Variants in AP3B1 observed in about 807,000 individuals in gnomAD.
The protein encoded by AP3B1 is AP-3 complex subunit beta-1.
Under a neutral mutation model 132.5 loss-of-function variants are expected in AP3B1, and 61 were observed. The observed-to-expected ratio is 0.46, with a 90% CI of 0.37 to 0.57. AP3B1 has a LOEUF of 0.57. AP3B1 is among the 20% of genes least tolerant of loss of function. The probability of loss-of-function intolerance (pLI) is 0.00; values close to 1 mark genes in which losing one functional copy is unlikely to be tolerated. For synonymous variants in AP3B1, 388 were observed against 438.3 expected (o/e 0.89, Z 1.43); for missense variants, 1,120 against 1,289.4 (o/e 0.87, Z 2.01).
At chr5:78,072,986 C>T (rs753925987) in intron 22 of AP3B1, among the ~76,000 whole-genome samples, 11 of 152,040 alleles carry the variant, frequency 7.2e-5, no homozygotes, top group Non-Finnish European at 1.5e-4. Flanking sequence ...TCCCAAAGTG[C>T]TGGGATTACA....
At chr5:78,194,689 G>C (rs1455789549) in intron 7 of AP3B1, among the ~76,000 whole-genome samples, 2 of 152,136 alleles carry the variant, frequency 1.3e-5, no homozygotes, top group East Asian at 3.8e-4. Flanking sequence ...AGGGAGAAAT[G>C]ACAGATCTTC....
intron 7 of AP3B1, among the ~76,000 whole-genome samples, chr5:78,207,801 G>A (rs1001197967): frequency 3.3e-5 from 5 of 152,234 alleles, no homozygotes; most frequent in Admixed American, 2.6e-4. Context: ...AGAAAATTAA[G>A]TAATGTCTAC....
chr5:78,280,502 T>G (rs2112583133), intron 1 of AP3B1, among the ~76,000 whole-genome samples: 1 of 152,336 alleles, frequency 6.6e-6, no homozygotes, highest in South Asian at 2.1e-4. Flanking sequence ...GGTGCCACAG[T>G]AACAGATGGG....
intron 2 of AP3B1, among the ~76,000 whole-genome samples, chr5:78,263,103 A>G (rs1748167107): frequency 6.6e-6 from 1 of 152,180 alleles, no homozygotes; most frequent in South Asian, 2.1e-4. Context: ...TTGAATATAC[A>G]GATCATTTTG....
chr5:78,242,756 C>T (rs1747195561), intron 2 of AP3B1, among the ~76,000 whole-genome samples: 1 of 152,126 alleles, frequency 6.6e-6, no homozygotes, highest in African/African-American at 2.4e-5. Context: ...TTCCTGTGCA[C>T]TATTTTACAT....
chr5:78,136,194 G>T (rs1421726986), intron 15 of AP3B1, among the ~76,000 whole-genome samples: 1 of 152,040 alleles, frequency 6.6e-6, no homozygotes, highest in African/African-American at 2.4e-5. Flanking sequence ...GCTCGCTAGG[G>T]TTACAAAAGA....
chr5:78,153,615 C>T (rs1005395235), intron 14 of AP3B1, among the ~76,000 whole-genome samples: 6 of 152,022 alleles, frequency 3.9e-5, no homozygotes, highest in African/African-American at 1.2e-4. Context: ...GGTTGTTTCA[C>T]ATTCTTCTCT....
chr5:78,015,706 GC>G, intron 25 of AP3B1, 158 bp from the exon 26 acceptor site: 3 of 706,042 alleles, frequency 4.2e-6, no homozygotes, highest in Non-Finnish European at 6.9e-6. Flanking sequence ...AAAACAAAAT[GC>G]AATTGTTTCG....
intron 11 of AP3B1, among the ~76,000 whole-genome samples, chr5:78,171,260 A>G (rs746983433): frequency 6.6e-6 from 1 of 152,052 alleles, no homozygotes; most frequent in Non-Finnish European, 1.5e-5. Context: ...GTTTTTTCCA[A>G]TTCTGTGAAG....
intron 7 of AP3B1, among the ~76,000 whole-genome samples, chr5:78,192,636 T>C (rs1264852817): frequency 3.3e-5 from 5 of 152,102 alleles, no homozygotes; most frequent in African/African-American, 9.7e-5. Flanking sequence ...AGCAAGACAC[T>C]ATCTCCAAAA....
At chr5:78,031,253 T>G (rs768067238) in intron 24 of AP3B1, among the ~76,000 whole-genome samples, 66 of 152,314 alleles carry the variant, frequency 4.3e-4, no homozygotes, top group Non-Finnish European at 7.2e-4. Context: ...ACTAAAGTTT[T>G]ATTTTTTATA....
chr5:78,089,051 C>T (rs1023071577), intron 22 of AP3B1: 12 of 174,992 alleles, frequency 6.9e-5, no homozygotes, highest in Admixed American at 1.7e-4. Context: ...AAAACGATTA[C>T]GGAAATGAAA....
chr5:78,229,049 C>T (rs192949978), intron 3 of AP3B1, among the ~76,000 whole-genome samples: 1 of 152,306 alleles, frequency 6.6e-6, no homozygotes, highest in East Asian at 1.9e-4. Flanking sequence ...CCTCCCACCT[C>T]AGCCTCTCCA....
chr5:78,211,539 A>G (rs193210589), intron 7 of AP3B1, among the ~76,000 whole-genome samples: 87 of 152,360 alleles, frequency 5.7e-4, no homozygotes, highest in African/African-American at 1.8e-3. Context: ...CATCTCAAAA[A>G]GTGTATCTAC....
At chr5:78,109,967 A>AC (rs1406107726) in intron 20 of AP3B1, among the ~76,000 whole-genome samples, 5 of 150,468 alleles carry the variant, frequency 3.3e-5, no homozygotes, top group African/African-American at 1.0e-4. Flanking sequence ...CCTTCAGCAA[A>AC]ACCCCCCCCT....
intron 1 of AP3B1, among the ~76,000 whole-genome samples, chr5:78,280,421 C>T (rs1160863372): frequency 6.6e-6 from 1 of 152,060 alleles, no homozygotes; most frequent in African/African-American, 2.4e-5. Flanking sequence ...TAGTGTATTC[C>T]GTCCAAACAA....
intron 21 of AP3B1, among the ~76,000 whole-genome samples, chr5:78,096,570 G>A (rs1361122567): frequency 3.0e-4 from 45 of 151,894 alleles, no homozygotes; most frequent in African/African-American, 9.2e-4. Context: ...AGTGAGGAGC[G>A]TCTCTGCCCG....
intron 6 of AP3B1, among the ~76,000 whole-genome samples, chr5:78,223,681 G>A (rs1191874099): frequency 6.6e-6 from 1 of 152,112 alleles, no homozygotes; most frequent in Non-Finnish European, 1.5e-5. Context: ...TAGGCACTGT[G>A]CTGAGGGTTT....
At chr5:78,248,784 C>T (rs1252213287) in intron 2 of AP3B1, among the ~76,000 whole-genome samples, 1 of 152,094 alleles carries the variant, frequency 6.6e-6, no homozygotes, top group East Asian at 1.9e-4. Context: ...TTTATTTCAT[C>T]TTCGTTCTTG....
Sources: allele counts gnomAD v4.1 joint callset (sites outside exome capture counted in the v4.1 genomes callset), GRCh38; gene constraint gnomAD v4.1.1; transcripts MANE v1.5; gene names NCBI Gene and HGNC (gene_info 2026-07-23, HGNC 2026-07-21).